Variants in INIP observed in about 807,000 individuals in gnomAD.
The protein encoded by INIP is SOSS complex subunit C.
In INIP, 9 loss-of-function variants were observed where a neutral mutation model predicts 14.0. That is an observed-to-expected ratio of 0.64 (90% CI 0.39 to 1.12). INIP has a LOEUF of 1.12. INIP is among the 50% of genes most tolerant of loss of function. The pLI, the probability that INIP is intolerant of heterozygous loss-of-function variation, is 0.01. For synonymous variants in INIP, 37 were observed against 41.5 expected, an observed-to-expected ratio of 0.89 and a Z score of 0.41; for missense variants, 78 against 122.7, an observed-to-expected ratio of 0.64 and a Z score of 1.72.
intron 2 of INIP, among the ~76,000 whole-genome samples, chr9:112,705,638 A>C (rs1838437778): frequency 6.6e-6 from 1 of 152,184 alleles, no homozygotes; most frequent in Admixed American, 6.5e-5. Context: ...TTTATTTTAG[A>C]ACTTTAGTGT....
rs1445159693 is a variant in INIP at position 112,699,182 on chromosome 9, G to A, written c.26-4949C>T. 3.3e-5 allele frequency among the ~76,000 whole-genome samples: 5 copies of A among 151,896 alleles called. No individual in the cohort carries two copies. In the East Asian group the frequency reaches 9.7e-4, roughly 29 times the overall value. On this transcript the variant is annotated intron_variant, in intron 2 of 4. Coordinates refer to ENST00000374242, the MANE Select transcript of INIP (RefSeq NM_021218.3). Reference sequence around the variant, plus strand: ...AAAAAAATTTTTTTTTTCCAGTTAGGTGTGGTGCTACATGCCTGTAGTCCC... The same window carrying A: ...AAAAAAATTTTTTTTTTCCAGTTAGATGTGGTGCTACATGCCTGTAGTCCC...
Position 112,694,248 on chromosome 9 carries a change from G to A in INIP, c.26-15C>T. 2 of 1,450,404 alleles carry A rather than the reference G, an allele frequency of 1.4e-6. No homozygotes were observed. The highest frequency in any genetic ancestry group is 2.3e-5 in the East Asian group (1 of 43,980). The allele number at this position is 1,450,404 out of a possible 1,614,324, so 89.8% of individuals were successfully genotyped here. A position where few individuals can be genotyped will look rare whatever the true frequency, so the allele number is the denominator to read the frequency against. ...GTTTTGAAAACCTAAAAAAAAGAGG[G>A]GAATAGGAGAAAAGGGAGAAAGAGA... On this transcript the variant is annotated splice_polypyrimidine_tract_variant and intron_variant, in intron 2 of 4. Coordinates refer to ENST00000374242, the MANE Select transcript of INIP (RefSeq NM_021218.3).
intron 2 of INIP, among the ~76,000 whole-genome samples, chr9:112,707,517 T>C (rs1838517969): frequency 6.6e-6 from 1 of 151,748 alleles, no homozygotes; most frequent in African/African-American, 2.4e-5. Context: ...ATTTCTTTTT[T>C]TTCCTCCCGC....
At chr9:112,705,555 C>T (rs1013955953) in intron 2 of INIP, among the ~76,000 whole-genome samples, 2 of 152,120 alleles carry the variant, frequency 1.3e-5, no homozygotes, top group Non-Finnish European at 2.9e-5. Context: ...AAGTGATTCT[C>T]CCACTTTGGC....
In INIP at chr9:112,686,494, GTTTTCT is replaced by G. The variant is rs1028235460; in HGVS notation, c.*1038_*1043del. 6.6e-6 allele frequency: 1 copy of G among 152,038 alleles called. No homozygotes were observed. Among genetic ancestry groups the G allele is most frequent in the African/African-American group, 2.4e-5 (1 of 41,408 alleles). 9.4% of individuals were successfully genotyped at this position (152,038 alleles called of 1,614,324 possible). A position where few individuals can be genotyped will look rare whatever the true frequency, so the allele number is the denominator to read the frequency against. ...TTAAAAAGGAGCTCGACTTGCATAA[GTTTTCT>G]TTTTCTTTTTTTCTTTGAGACAAAG... is the stretch of plus-strand genomic sequence containing the variant. On this transcript the variant is annotated 3_prime_UTR_variant, in exon 5 of 5. Coordinates refer to ENST00000374242, the MANE Select transcript of INIP (RefSeq NM_021218.3).
chr9:112,695,371 C>G (rs528107490), intron 2 of INIP, among the ~76,000 whole-genome samples: 25 of 151,674 alleles, frequency 1.6e-4, no homozygotes, highest in African/African-American at 5.3e-4. Flanking sequence ...GACCTAGGCA[C>G]TCCTAAGGGT....
At chr9:112,715,133 TACACACACACACAC>T (rs58647648) in intron 2 of INIP, among the ~76,000 whole-genome samples, 2,132 of 133,518 alleles carry the variant, frequency 0.016, 38 homozygotes, top group African/African-American at 0.048. Flanking sequence ...CATACATACA[TACACACACACACAC>T]ACACACACAC....
intron 4 of INIP, 138 bp downstream of exon 4, chr9:112,689,389 G>T: frequency 1.5e-6 from 1 of 685,632 alleles, no homozygotes; most frequent in Admixed American, 2.4e-5. Flanking sequence ...GGGCTTGACT[G>T]AACATCAGCA....
chr9:112,716,563 A>ATTT, intron 1 of INIP, 22 bp from the exon 2 acceptor site: 2 of 1,160,516 alleles, frequency 1.7e-6, no homozygotes, highest in Non-Finnish European at 2.6e-6. Flanking sequence ...GTGTACACAC[A>ATTT]TATACAATGC....
At chr9:112,696,728 G>C (rs1438190673) in intron 2 of INIP, among the ~76,000 whole-genome samples, 2 of 152,178 alleles carry the variant, frequency 1.3e-5, no homozygotes, top group Non-Finnish European at 2.9e-5. Context: ...TGGTTAATTT[G>C]CTAGAGTGGC....
At chr9:112,696,916 G>A (rs1199811919) in intron 2 of INIP, among the ~76,000 whole-genome samples, 1 of 152,186 alleles carries the variant, frequency 6.6e-6, no homozygotes, top group African/African-American at 2.4e-5. Context: ...CACACATTCA[G>A]CTATCCAGAA....
chr9:112,710,187 T>A (rs1240558007), intron 2 of INIP, among the ~76,000 whole-genome samples: 1 of 152,188 alleles, frequency 6.6e-6, no homozygotes, highest in Non-Finnish European at 1.5e-5. Flanking sequence ...ACAAGACACT[T>A]CCCAGGAGCC....
chr9:112,687,734 A>G (rs757501276), intron 4 of INIP, 101 bp from the exon 5 acceptor site: 2 of 559,082 alleles, frequency 3.6e-6, no homozygotes, highest in Non-Finnish European at 6.3e-6. Context: ...CTTGAGACCA[A>G]ATTTATTTGT....
At chr9:112,715,325 T>C (rs1422420251) in intron 2 of INIP, among the ~76,000 whole-genome samples, 1 of 152,266 alleles carries the variant, frequency 6.6e-6, no homozygotes, top group African/African-American at 2.4e-5. Flanking sequence ...TATATAGTAC[T>C]GTATACTTAT....
At chr9:112,703,489 T>C (rs542638812) in intron 2 of INIP, among the ~76,000 whole-genome samples, 3 of 152,158 alleles carry the variant, frequency 2.0e-5, no homozygotes, top group Non-Finnish European at 4.4e-5. Context: ...GAGGCTGAAG[T>C]GGGAGGATCA....
chr9:112,706,114 T>C (rs1407156231), intron 2 of INIP, among the ~76,000 whole-genome samples: 1 of 152,196 alleles, frequency 6.6e-6, no homozygotes, highest in East Asian at 1.9e-4. Context: ...TCAATGCCAT[T>C]GATCATTAGA....
rs1837686322 is a variant in INIP at position 112,686,792 on chromosome 9, C to T, written c.*746G>A. The T allele has an allele frequency of 6.6e-6, 1 of 152,148 alleles. No homozygotes were observed. Among genetic ancestry groups the T allele is most frequent in the Non-Finnish European group, 1.5e-5 (1 of 68,048 alleles). 9.4% of individuals were successfully genotyped at this position (152,148 alleles called of 1,614,324 possible). A position where few individuals can be genotyped will look rare whatever the true frequency, so the allele number is the denominator to read the frequency against. ...GGATTACAGGCATGAGGCACCGTGC[C>T]CAGCCAAAAAGTTTTCAGTTAGAAC... On this transcript the variant is annotated 3_prime_UTR_variant, in exon 5 of 5. Transcript: ENST00000374242.
chr9:112,690,822 C>T (rs1032482591), intron 3 of INIP, among the ~76,000 whole-genome samples: 7 of 152,232 alleles, frequency 4.6e-5, no homozygotes, highest in African/African-American at 1.7e-4. Context: ...ACCTTTCAGG[C>T]TTTTTCCTCT....
At position 112,685,261 on chromosome 9, in the gene INIP, T is replaced by A. The variant is rs1403064263; in HGVS notation, c.*2277A>T. The stretch of plus-strand genomic sequence containing the variant: ...CCTAGCCAATCTTTTTTTTTTTTTT[T>A]TAATTTTTTAGTAGAGACAGGGGTC... On this transcript the variant is annotated 3_prime_UTR_variant, in exon 5 of 5. Coordinates refer to ENST00000374242, the MANE Select transcript of INIP (RefSeq NM_021218.3). 1 of 151,834 alleles carries A rather than the reference T, an allele frequency of 6.6e-6. No homozygotes were observed. Among genetic ancestry groups the A allele is most frequent in the African/African-American group, 2.4e-5 (1 of 41,284 alleles). The allele number at this position is 151,834 out of a possible 1,614,324, so 9.4% of individuals were successfully genotyped here.
Sources: gnomAD v4.1 joint callset for allele counts (sites outside exome capture counted in the v4.1 genomes callset) on GRCh38, gnomAD v4.1.1 for gene constraint, MANE v1.5 for transcripts, NCBI Gene and HGNC (gene_info 2026-07-23, HGNC 2026-07-21) for gene names.